The following ANKRD6 variants were observed in gnomAD, a reference collection of about 807,000 sequenced individuals.
The protein encoded by ANKRD6 is ankyrin repeat domain-containing protein 6.
ANKRD6 carries 56 observed loss-of-function variants against 82.3 expected under a neutral mutation model. That is an observed-to-expected ratio of 0.68 (90% CI 0.55 to 0.85). The LOEUF (loss-of-function observed/expected upper bound fraction) is 0.85. Among genes scored for constraint, ANKRD6 ranks in the 40% least tolerant of loss-of-function variants. The probability of loss-of-function intolerance (pLI) is 0.00; values close to 1 mark genes in which losing one functional copy is unlikely to be tolerated. For synonymous variants in ANKRD6, 347 were observed against 352.1 expected, an observed-to-expected ratio of 0.99 and a Z score of 0.16; for missense variants, 852 against 907.6, an observed-to-expected ratio of 0.94 and a Z score of 0.79.
intron 2 of ANKRD6, among the ~76,000 whole-genome samples, chr6:89,567,981 G>A (rs1185444877): frequency 6.6e-6 from 1 of 152,210 alleles, no homozygotes; most frequent in Non-Finnish European, 1.5e-5. Context: ...ACCTCCTGTG[G>A]CAGATCGGTC....
chr6:89,453,050 AC>A lies in ANKRD6; in HGVS notation c.-144+19677del, dbSNP rs776944032. Among the ~76,000 whole-genome samples, 98 of 152,252 alleles carry A rather than the reference AC, an allele frequency of 6.4e-4. 1 individual carries two copies. Among genetic ancestry groups the A allele is most frequent in the Non-Finnish European group, 7.8e-4 (53 of 68,016 alleles). On this transcript the variant is annotated intron_variant, in intron 1 of 15. Transcript: ENST00000339746. ...TTCATAAGGCAAACACCCTCATAAA[AC>A]CATCACTCTGGTCAGAAATAGAACT...
At chr6:89,528,072 A>G (rs1782723699) in intron 1 of ANKRD6, among the ~76,000 whole-genome samples, 1 of 152,184 alleles carries the variant, frequency 6.6e-6, no homozygotes, top group Non-Finnish European at 1.5e-5. Context: ...TGGCCCCCCA[A>G]AGTGCTGGGA....
intron 2 of ANKRD6, among the ~76,000 whole-genome samples, chr6:89,587,190 CAAAAAA>C (rs36065437): frequency 1.2e-5 from 1 of 84,280 alleles, no homozygotes; most frequent in Admixed American, 1.4e-4. Flanking sequence ...AACTCCGTCT[CAAAAAA>C]AAAAAAAAAA....
At chr6:89,488,273 C>T (rs975908524) in intron 1 of ANKRD6, among the ~76,000 whole-genome samples, 18 of 152,204 alleles carry the variant, frequency 1.2e-4, no homozygotes, top group African/African-American at 1.9e-4. Context: ...CAAATTCAAA[C>T]GTGAGCATTT....
At chr6:89,522,051 A>T (rs1781950645) in intron 1 of ANKRD6, among the ~76,000 whole-genome samples, 1 of 152,194 alleles carries the variant, frequency 6.6e-6, no homozygotes. Flanking sequence ...CAACTTGTGG[A>T]TCTCCCAAGG....
intron 2 of ANKRD6, among the ~76,000 whole-genome samples, chr6:89,579,710 T>C (rs2128111604): frequency 7.9e-6 from 1 of 126,650 alleles, no homozygotes; most frequent in East Asian, 2.5e-4. Flanking sequence ...TAATCCAAGA[T>C]AGTGCCACTG....
At chr6:89,439,571 C>T (rs999845038) in intron 1 of ANKRD6, among the ~76,000 whole-genome samples, 1 of 152,110 alleles carries the variant, frequency 6.6e-6, no homozygotes, top group Non-Finnish European at 1.5e-5. Context: ...CATGGAGAAA[C>T]TTCAGTAATG....
At chr6:89,476,784 C>A (rs79175919) in intron 1 of ANKRD6, among the ~76,000 whole-genome samples, 7,940 of 152,266 alleles carry the variant, frequency 0.052, 532 homozygotes, top group African/African-American at 0.15. Context: ...TTAATAAATT[C>A]TGTGAGCATT....
chr6:89,566,896 G>C lies in ANKRD6; in HGVS notation c.-81G>C. 6.6e-7 allele frequency: 1 copy of C among 1,519,752 alleles called. No individual in the cohort carries two copies. Among genetic ancestry groups the C allele is most frequent in the Non-Finnish European group, 8.9e-7 (1 of 1,123,366 alleles). 94.1% of individuals were successfully genotyped at this position (1,519,752 alleles called of 1,614,324 possible). ...TGATTGTGAACATCTTTACCTCTGG[G>C]TGCCAGGCCGGGCCAGTGACTTCGT... On this transcript the variant is annotated 5_prime_UTR_variant, in exon 2 of 16. Coordinates refer to ENST00000339746, the MANE Select transcript of ANKRD6 (RefSeq NM_001242809.2).
At chr6:89,493,620 C>T (rs765594829) in intron 1 of ANKRD6, among the ~76,000 whole-genome samples, 1 of 151,934 alleles carries the variant, frequency 6.6e-6, no homozygotes, top group Non-Finnish European at 1.5e-5. Context: ...ACTGTGTTGC[C>T]CAGGCTGGTC....
At chr6:89,503,778 G>A (rs1201452133) in intron 1 of ANKRD6, among the ~76,000 whole-genome samples, 1 of 152,186 alleles carries the variant, frequency 6.6e-6, no homozygotes, top group Non-Finnish European at 1.5e-5. Flanking sequence ...ACACTTGTAG[G>A]CCCTAAGGGA....
intron 6 of ANKRD6, 40 bp from the exon 7 acceptor site, chr6:89,613,752 A>C (rs1172614179): frequency 1.3e-6 from 2 of 1,575,856 alleles, no homozygotes; most frequent in South Asian, 2.2e-5. Flanking sequence ...TTGTTTTGTA[A>C]CTGCTCAGAT....
chr6:89,536,919 G>A (rs1439874081), intron 1 of ANKRD6, among the ~76,000 whole-genome samples: 1 of 152,130 alleles, frequency 6.6e-6, no homozygotes, highest in South Asian at 2.1e-4. Flanking sequence ...AAAACCTTTG[G>A]TTTTTTGTAA....
chr6:89,558,386 A>G (rs1327199443), intron 1 of ANKRD6, among the ~76,000 whole-genome samples: 3 of 152,234 alleles, frequency 2.0e-5, no homozygotes, highest in Non-Finnish European at 4.4e-5. Flanking sequence ...ACAATGGAAT[A>G]TTATTCAGCA....
intron 1 of ANKRD6, among the ~76,000 whole-genome samples, chr6:89,481,686 T>G (rs1386026580): frequency 7.0e-6 from 1 of 143,754 alleles, no homozygotes; most frequent in Non-Finnish European, 1.5e-5. Flanking sequence ...TACTGCTGGT[T>G]GTGCTGCTTG....
In ANKRD6 at chr6:89,433,320, C is replaced by G. The variant is rs1476816620; in HGVS notation, c.-199C>G. ...GTCCCCGTCTTCGCCCCTCGCCCCCCACCGTGTCGCCGGCCTTGGTCCCTG... is the reference window on the plus strand; with the variant it reads ...GTCCCCGTCTTCGCCCCTCGCCCCCGACCGTGTCGCCGGCCTTGGTCCCTG... On this transcript the variant is annotated 5_prime_UTR_variant, in exon 1 of 16. Coordinates refer to ENST00000339746, the MANE Select transcript of ANKRD6 (RefSeq NM_001242809.2). The surrounding 1 kb of genome is among the most constrained non-coding windows in gnomAD (Gnocchi z 4.3). 1 of 152,224 alleles carries G rather than the reference C, an allele frequency of 6.6e-6. No individual in the cohort carries two copies. The highest frequency in any genetic ancestry group is 2.4e-5 in the African/African-American group (1 of 41,432). The allele number at this position is 152,224 out of a possible 1,614,324, so 9.4% of individuals were successfully genotyped here.
At chr6:89,601,786 A>G (rs991954678) in intron 3 of ANKRD6, 4 of 152,086 alleles carry the variant, frequency 2.6e-5, no homozygotes, top group Admixed American at 2.6e-4. Flanking sequence ...ATTGTTTGTT[A>G]CAGATCTGGG....
At chr6:89,460,545 T>C (rs891230652) in intron 1 of ANKRD6, among the ~76,000 whole-genome samples, 3 of 152,116 alleles carry the variant, frequency 2.0e-5, no homozygotes, top group African/African-American at 7.2e-5. Context: ...CAAGTGATTC[T>C]CCTGCCTCAG....
At chr6:89,567,139 GC>G in intron 2 of ANKRD6, 43 bp downstream of exon 2, 1 of 1,553,586 alleles carries the variant, frequency 6.4e-7, no homozygotes, top group South Asian at 1.2e-5. Context: ...CTGGGAACTG[GC>G]CTACCTCTTA....
Sources: gnomAD v4.1 joint callset for allele counts (sites outside exome capture counted in the v4.1 genomes callset) on GRCh38, gnomAD v4.1.1 for gene constraint, Gnocchi (gnomAD v3.1) non-coding constraint, MANE v1.5 for transcripts, NCBI Gene and HGNC (gene_info 2026-07-23, HGNC 2026-07-21) for gene names.